Variants in PFKP observed in about 807,000 individuals in gnomAD.
PFKP encodes the protein ATP-dependent 6-phosphofructokinase, platelet type.
PFKP carries 101 observed loss-of-function variants against 94.3 expected under a neutral mutation model. The observed-to-expected ratio is 1.07, with a 90% CI of 0.91 to 1.26. The LOEUF is 1.26. Among genes scored for constraint, PFKP ranks in the 50% most tolerant of loss-of-function variants. The pLI is 0.00. For missense variants in PFKP, 1,145 were observed against 1,103.3 expected (o/e 1.04, Z -0.53); for synonymous variants, 573 against 432.6 (o/e 1.32, Z -4.03).
chr10:3,082,422 G>T lies in PFKP; in HGVS notation c.147G>T (p.Met49Ile), dbSNP rs1179528769. The T allele has an allele frequency of 6.2e-7, 1 of 1,608,572 alleles. No individual in the cohort carries two copies. The highest frequency in any genetic ancestry group is 8.5e-7 in the Non-Finnish European group (1 of 1,176,462). Residue 49 changes from methionine (M) to isoleucine (I), a missense_variant, in exon 2 of 22, where the codon ATG (methionine) becomes ATT (isoleucine). Met to Ile is a conservative substitution (Grantham distance 10). Transcript: ENST00000381125. ...MNAAVRAVVR[M>I]GIYVGAKVYF... ...CTGCCGTCCGTGCCGTGGTGCGCAT[G>T]GGTATCTACGTGGGGGCCAAGGTGT...
At chr10:3,116,451 A>G (rs1418980194) in intron 13 of PFKP, among the ~76,000 whole-genome samples, 5 of 152,236 alleles carry the variant, frequency 3.3e-5, no homozygotes, top group African/African-American at 1.2e-4. Context: ...TTACCAACTT[A>G]GAAACCATCA....
intron 2 of PFKP, among the ~76,000 whole-genome samples, chr10:3,094,974 T>C (rs1834356382): frequency 6.6e-6 from 1 of 152,186 alleles, no homozygotes; most frequent in Non-Finnish European, 1.5e-5. Flanking sequence ...GATAACACTA[T>C]CTGGAAGGCA....
At chr10:3,118,302 A>G (rs1330390767) in intron 14 of PFKP, among the ~76,000 whole-genome samples, 1 of 152,112 alleles carries the variant, frequency 6.6e-6, no homozygotes, top group African/African-American at 2.4e-5. Flanking sequence ...CCCTGTCTCT[A>G]CTAAAAATGC....
At position 3,132,407 on chromosome 10, in the gene PFKP, A is replaced by G; in HGVS notation, c.1876A>G (p.Met626Val). Residue 626 changes from methionine to valine, a missense_variant, in exon 18 of 22, where the codon ATG becomes GTG. By Grantham distance (21) the Met-to-Val change is conservative. Coordinates refer to ENST00000381125, the MANE Select transcript of PFKP (RefSeq NM_002627.5). Reference sequence around the variant, plus strand: ...CAACGTGGAGCACCTGACGGAGAAAATGAAGACCACCATCCAGAGAGGCCT... The same window carrying G: ...CAACGTGGAGCACCTGACGGAGAAAGTGAAGACCACCATCCAGAGAGGCCT... ...QSNVEHLTEK[M>V]KTTIQRGLVL... 6.2e-7 allele frequency: 1 copy of G among 1,613,060 alleles called. No individual in the cohort carries two copies. The highest frequency in any genetic ancestry group is 8.5e-7 in the Non-Finnish European group (1 of 1,179,072).
At chr10:3,113,016 C>A in intron 11 of PFKP, 103 bp from the exon 12 acceptor site, 2 of 1,002,848 alleles carry the variant, frequency 2.0e-6, no homozygotes, top group South Asian at 1.4e-5. Context: ...GATAGTCGGG[C>A]AGACACATTG....
rs758959621 is a variant in PFKP at position 3,135,781 on chromosome 10, G to A, written c.2168G>A (p.Ser723Asn). The part of the protein sequence containing the change: ...TDDSICVLGI[S>N]KRNVIFQPVA... ...GATTCCATTTGTGTGCTGGGAATAA[G>A]CAAAAGAAACGTTATTTTTCAACCT... Residue 723 changes from serine to asparagine, a missense_variant, in exon 21 of 22, where the codon AGC becomes AAC. Coordinates refer to ENST00000381125, the MANE Select transcript of PFKP (RefSeq NM_002627.5). 3 of 1,613,588 alleles carry A rather than the reference G, an allele frequency of 1.9e-6. No homozygotes were observed. The East Asian group carries it at 6.7e-5, about 36-fold the overall frequency.
At chr10:3,101,126 T>A in intron 3 of PFKP, 1 of 844,592 alleles carries the variant, frequency 1.2e-6, no homozygotes, top group Non-Finnish European at 1.9e-6. Flanking sequence ...GCCGTGTGTC[T>A]GGCTCTGCAC....
At chr10:3,128,335 T>G (rs549125389) in intron 16 of PFKP, among the ~76,000 whole-genome samples, 2 of 152,150 alleles carry the variant, frequency 1.3e-5, no homozygotes, top group Non-Finnish European at 2.9e-5. Flanking sequence ...AGAGAGGACA[T>G]GGGGTGGCTC....
intron 8 of PFKP, 62 bp downstream of exon 8, chr10:3,107,371 T>C (rs1835740585): frequency 1.0e-6 from 1 of 978,028 alleles, no homozygotes; most frequent in Non-Finnish European, 1.6e-6. Flanking sequence ...GAGGCTAGCG[T>C]CATGGGCAGG....
chr10:3,108,608 A>G, intron 8 of PFKP, 93 bp from the exon 9 acceptor site: 4 of 932,364 alleles, frequency 4.3e-6, no homozygotes, highest in Admixed American at 3.8e-5. Flanking sequence ...AGAAAGAGCG[A>G]AAAACCTTTT....
intron 16 of PFKP, among the ~76,000 whole-genome samples, chr10:3,127,454 G>C (rs1838085641): frequency 6.6e-6 from 1 of 152,060 alleles, no homozygotes; most frequent in East Asian, 1.9e-4. Flanking sequence ...CCCACCTCAG[G>C]GTGGGCTGCG....
chr10:3,120,090 C>T (rs565063759), intron 16 of PFKP, 46 bp downstream of exon 16: 20 of 1,580,370 alleles, frequency 1.3e-5, no homozygotes, highest in African/African-American at 1.2e-4. Flanking sequence ...CTGACGCTAA[C>T]CCCGGGGCCC....
rs41288715 is a variant in PFKP at position 3,101,481 on chromosome 10, G to A, written c.381G>A (p.Gly127=). ...TCACCAACCTGTGTGTGATCGGCGG[G>A]GACGGGAGCCTCACCGGGGCCAACC... is the stretch of plus-strand genomic sequence containing the variant. ...RGITNLCVIG[G]DGSLTGANLF... Residue 127 remains glycine (G), a synonymous_variant, in exon 4 of 22, where the codon GGG becomes GGA. Transcript: ENST00000381125. The A allele has an allele frequency of 0.024, 39,041 of 1,604,770 alleles. 592 individuals carry two copies. The highest frequency in any genetic ancestry group is 0.044 in the Middle Eastern group (242 of 5,454).
chr10:3,115,611 G>A (rs1482024674), intron 13 of PFKP, among the ~76,000 whole-genome samples: 1 of 149,550 alleles, frequency 6.7e-6, no homozygotes, highest in Non-Finnish European at 1.5e-5. Context: ...TGTGTCCCGT[G>A]GCCAAGAATG....
At chr10:3,125,048 C>G (rs755877102) in intron 16 of PFKP, 5 of 1,163,316 alleles carry the variant, frequency 4.3e-6, no homozygotes, top group Non-Finnish European at 5.4e-6. Context: ...CTGGGGCTGG[C>G]AGGTGAGCAC....
intron 4 of PFKP, among the ~76,000 whole-genome samples, chr10:3,102,409 GA>G (rs1429221713): frequency 6.8e-6 from 1 of 147,482 alleles, no homozygotes; most frequent in African/African-American, 2.5e-5. Flanking sequence ...TGTTTTGTTT[GA>G]TTGTTTGATT....
chr10:3,107,133 G>T, intron 7 of PFKP, 81 bp from the exon 8 acceptor site: 1 of 871,032 alleles, frequency 1.1e-6, no homozygotes, highest in South Asian at 1.4e-5. Flanking sequence ...TTCAGTTTGA[G>T]ACAGACTTCT....
At chr10:3,081,259 T>C (rs184134349) in intron 1 of PFKP, among the ~76,000 whole-genome samples, 70 of 152,326 alleles carry the variant, frequency 4.6e-4, no homozygotes, top group African/African-American at 1.5e-3. Flanking sequence ...CCCAATGTAA[T>C]TGAAGATTTT....
Position 3,132,368 on chromosome 10 carries a change from A to C in PFKP, c.1849-12A>C. ...AAGTTTATTGTCTGATTAACAAAAT[A>C]CTCTCTTCCAGTCCAACGTGGAGCA... is the stretch of plus-strand genomic sequence containing the variant. On this transcript the variant is annotated splice_polypyrimidine_tract_variant and intron_variant, in intron 17 of 21. Coordinates refer to ENST00000381125, the MANE Select transcript of PFKP (RefSeq NM_002627.5). 6.3e-7 allele frequency: 1 copy of C among 1,596,696 alleles called. No homozygotes were observed. The highest frequency in any genetic ancestry group is 8.6e-7 in the Non-Finnish European group (1 of 1,164,346).
Sources: allele counts gnomAD v4.1 joint callset (sites outside exome capture counted in the v4.1 genomes callset), GRCh38; gene constraint gnomAD v4.1.1; transcripts MANE v1.5; gene names NCBI Gene and HGNC (gene_info 2026-07-23, HGNC 2026-07-21).